The following NGEF variants were observed in gnomAD, a reference collection of about 807,000 sequenced individuals.
The protein encoded by NGEF is ephexin-1.
Under a neutral mutation model 80.9 loss-of-function variants are expected in NGEF, and 31 were observed. The ratio of observed to expected loss-of-function variants is 0.38; its 90% CI spans 0.29 to 0.52. The LOEUF (loss-of-function observed/expected upper bound fraction) is 0.52. Ranked by LOEUF, NGEF falls within the 20% of genes least tolerant of loss-of-function variation. The pLI is 0.84. For missense variants in NGEF, 709 were observed against 926.2 expected, an observed-to-expected ratio of 0.77 and a Z score of 3.04; for synonymous variants, 371 against 370.2, an observed-to-expected ratio of 1.00 and a Z score of -0.03.
intron 5 of NGEF, among the ~76,000 whole-genome samples, chr2:232,908,187 T>C (rs911953986): frequency 3.3e-5 from 5 of 152,266 alleles, no homozygotes; most frequent in Admixed American, 3.3e-4. Flanking sequence ...ACAATTTCCC[T>C]GCCATTGGGC....
chr2:232,909,720 C>T (rs1010068853), intron 5 of NGEF, among the ~76,000 whole-genome samples: 5 of 152,020 alleles, frequency 3.3e-5, no homozygotes, highest in East Asian at 3.9e-4. Flanking sequence ...CGTCTCCCCA[C>T]GCTCCCCCCA....
intron 1 of NGEF, among the ~76,000 whole-genome samples, chr2:232,985,442 C>G (rs374612335): frequency 3.9e-5 from 6 of 152,148 alleles, no homozygotes; most frequent in African/African-American, 1.4e-4. Flanking sequence ...AAAGGCAAAA[C>G]CCCATCTCTA....
chr2:232,897,705 C>T (rs1360009465), intron 5 of NGEF, among the ~76,000 whole-genome samples: 2 of 152,232 alleles, frequency 1.3e-5, no homozygotes, highest in African/African-American at 4.8e-5. Context: ...ACCCGGCCCC[C>T]AGTGTCTGCA....
intron 1 of NGEF, among the ~76,000 whole-genome samples, chr2:233,006,130 C>T (rs1695079612): frequency 6.6e-6 from 1 of 152,096 alleles, no homozygotes; most frequent in Non-Finnish European, 1.5e-5. Flanking sequence ...TTGTTTTAAG[C>T]CACAGTTTGT....
intron 1 of NGEF, among the ~76,000 whole-genome samples, chr2:233,006,343 G>A (rs1404391750): frequency 6.6e-6 from 1 of 152,198 alleles, no homozygotes; most frequent in Non-Finnish European, 1.5e-5. Flanking sequence ...TCACTGGAGG[G>A]AAGTCATCAT....
chr2:232,919,663 T>A (rs911170028), intron 5 of NGEF, among the ~76,000 whole-genome samples: 1 of 152,218 alleles, frequency 6.6e-6, no homozygotes, highest in African/African-American at 2.4e-5. Flanking sequence ...TATTTCTCCC[T>A]GCTAGCAACA....
intron 2 of NGEF, among the ~76,000 whole-genome samples, 173 bp from the exon 3 acceptor site, chr2:232,970,501 G>A (rs948179260): frequency 6.6e-6 from 1 of 152,208 alleles, no homozygotes; most frequent in African/African-American, 2.4e-5. Flanking sequence ...ACCTCATGCT[G>A]TGTCAGATGG....
intron 3 of NGEF, 43 bp from the exon 4 acceptor site, chr2:232,927,229 A>G: frequency 2.6e-6 from 4 of 1,515,990 alleles, no homozygotes; most frequent in Non-Finnish European, 3.5e-6. Context: ...ATTTTTAAGC[A>G]AGGATTCACC....
At chr2:232,974,061 C>A (rs1694244315) in intron 2 of NGEF, among the ~76,000 whole-genome samples, 1 of 152,206 alleles carries the variant, frequency 6.6e-6, no homozygotes, top group African/African-American at 2.4e-5. Flanking sequence ...GAGTCTGTAG[C>A]ACCAACACCC....
chr2:232,891,779 T>C (rs1386025324), intron 7 of NGEF, among the ~76,000 whole-genome samples: 1 of 152,158 alleles, frequency 6.6e-6, no homozygotes, highest in Non-Finnish European at 1.5e-5. Context: ...CACAATTAGA[T>C]GATTTCACCC....
intron 1 of NGEF, among the ~76,000 whole-genome samples, chr2:232,984,790 T>C (rs1694500650): frequency 6.6e-6 from 1 of 152,198 alleles, no homozygotes; most frequent in South Asian, 2.1e-4. Flanking sequence ...AAACGTTTTA[T>C]TTTATATTTA....
At chr2:232,907,590 C>T (rs7355380) in intron 5 of NGEF, among the ~76,000 whole-genome samples, 20,172 of 152,040 alleles carry the variant, frequency 0.13, 1,472 homozygotes, top group South Asian at 0.27. Flanking sequence ...TATTCAACTA[C>T]GAAATGTAAC....
At chr2:232,920,627 A>G (rs771766892) in intron 4 of NGEF, 42 bp from the exon 5 acceptor site, 2 of 1,498,524 alleles carry the variant, frequency 1.3e-6, no homozygotes, top group South Asian at 2.7e-5. Flanking sequence ...AAAAGATCTC[A>G]GATGACAATC....
At chr2:232,983,280 G>A (rs1005344509) in intron 1 of NGEF, among the ~76,000 whole-genome samples, 1 of 152,104 alleles carries the variant, frequency 6.6e-6, no homozygotes, top group Non-Finnish European at 1.5e-5. Context: ...GGTGGGGGGA[G>A]CCCCTACTAC....
chr2:233,005,402 G>A (rs1253568201), intron 1 of NGEF, among the ~76,000 whole-genome samples: 2 of 152,326 alleles, frequency 1.3e-5, no homozygotes, highest in Admixed American at 1.3e-4. Context: ...CTTCTGCCCA[G>A]ATTCTCAGCT....
In NGEF at chr2:232,878,891, C is replaced by G. The variant is rs914975740; in HGVS notation, c.*598G>C. The G allele has an allele frequency of 5.2e-5, 8 of 152,724 alleles. No individual in the cohort carries two copies. Among genetic ancestry groups the G allele is most frequent in the Admixed American group, 3.9e-4 (6 of 15,308 alleles). The allele number at this position is 152,724 out of a possible 1,614,324, so 9.5% of individuals were successfully genotyped here. ...GGCGGGAGGGGTCCCCAGCCAAGCT[C>G]TGGCAGGCCTGCCATGGGGCAGGGC... On this transcript the variant is annotated 3_prime_UTR_variant, in exon 15 of 15. Coordinates refer to ENST00000264051, the MANE Select transcript of NGEF (RefSeq NM_019850.3).
chr2:232,991,553 T>C (rs1484310049), intron 1 of NGEF, among the ~76,000 whole-genome samples: 1 of 152,124 alleles, frequency 6.6e-6, no homozygotes, highest in Non-Finnish European at 1.5e-5. Flanking sequence ...GGGCAACATT[T>C]AGATGCTGAA....
At chr2:232,959,579 C>CTT (rs10663890) in intron 3 of NGEF, among the ~76,000 whole-genome samples, 54,783 of 139,646 alleles carry the variant, frequency 0.39, 12,788 homozygotes, top group Non-Finnish European at 0.52. Flanking sequence ...CAGCAATGAC[C>CTT]TTTTTTTTTT....
At chr2:232,888,399 C>T (rs539347484) in intron 8 of NGEF, among the ~76,000 whole-genome samples, 35 of 151,924 alleles carry the variant, frequency 2.3e-4, no homozygotes, top group Non-Finnish European at 4.7e-4. Context: ...TACAAGCACA[C>T]GTGCACACAT....
Sources: gnomAD v4.1 joint callset for allele counts (sites outside exome capture counted in the v4.1 genomes callset) on GRCh38, gnomAD v4.1.1 for gene constraint, MANE v1.5 for transcripts, NCBI Gene and HGNC (gene_info 2026-07-23, HGNC 2026-07-21) for gene names.